ADAMTSL3: variants seen among roughly 807,000 people sequenced by gnomAD.
ADAMTSL3 encodes the protein ADAMTS-like protein 3.
A neutral mutation model predicts 201.7 loss-of-function variants in ADAMTSL3; 128 were observed. The ratio of observed to expected loss-of-function variants is 0.63; its 90% CI spans 0.55 to 0.73. The LOEUF is 0.73. ADAMTSL3 is among the 30% of genes least tolerant of loss of function. The pLI is 0.00. For synonymous variants in ADAMTSL3, 738 were observed against 748.4 expected, an observed-to-expected ratio of 0.99 and a Z score of 0.23; for missense variants, 1,990 against 2,119.6, an observed-to-expected ratio of 0.94 and a Z score of 1.20.
At chr15:83,819,165 G>C (rs183635880) in intron 5 of ADAMTSL3, among the ~76,000 whole-genome samples, 2 of 148,838 alleles carry the variant, frequency 1.3e-5, no homozygotes. Context: ...AGCTACTCAG[G>C]GGGGCTGAAG....
At chr15:83,895,417 C>T (rs775207786) in intron 13 of ADAMTSL3, among the ~76,000 whole-genome samples, 1 of 152,128 alleles carries the variant, frequency 6.6e-6, no homozygotes, top group African/African-American at 2.4e-5. Flanking sequence ...CTCTCCATCC[C>T]CATAAATATC....
chr15:83,929,376 T>C (rs1413466655), intron 17 of ADAMTSL3, among the ~76,000 whole-genome samples: 1 of 152,136 alleles, frequency 6.6e-6, no homozygotes, highest in Non-Finnish European at 1.5e-5. Context: ...GCAGGTAACC[T>C]CTGGCATTCT....
At chr15:83,949,528 G>T (rs545859671) in intron 19 of ADAMTSL3, among the ~76,000 whole-genome samples, 1 of 152,154 alleles carries the variant, frequency 6.6e-6, no homozygotes, top group African/African-American at 2.4e-5. Flanking sequence ...ATATACCTAG[G>T]AGTGAGATTT....
chr15:83,708,303 G>A (rs924272030), intron 3 of ADAMTSL3, among the ~76,000 whole-genome samples: 15 of 152,346 alleles, frequency 9.8e-5, no homozygotes, highest in African/African-American at 3.1e-4. Flanking sequence ...GATATTTGCT[G>A]TCTTGGATGA....
intron 3 of ADAMTSL3, among the ~76,000 whole-genome samples, chr15:83,759,444 C>A (rs956777483): frequency 2.6e-5 from 4 of 152,168 alleles, no homozygotes; most frequent in Non-Finnish European, 5.9e-5. Flanking sequence ...CCGGGATGGT[C>A]TTGATCTCCT....
intron 9 of ADAMTSL3, among the ~76,000 whole-genome samples, chr15:83,873,174 C>T (rs1293657685): frequency 1.4e-5 from 2 of 143,934 alleles, no homozygotes; most frequent in South Asian, 2.1e-4. Flanking sequence ...CGTGGTGGCA[C>T]GCACCTGTAA....
intron 15 of ADAMTSL3, 41 bp from the exon 16 acceptor site, chr15:83,913,051 C>A (rs773568845): frequency 1.9e-6 from 3 of 1,597,254 alleles, no homozygotes; most frequent in Admixed American, 1.7e-5. Context: ...TATTTAATGA[C>A]CCTCAGTGTC....
chr15:84,016,421 G>A lies in ADAMTSL3; in HGVS notation c.4195G>A (p.Gly1399Arg). The change falls in exon 25 of 30, where the codon GGA becomes AGA. Residue 1399 changes from glycine to arginine, a missense_variant. Physicochemically the swap from Gly to Arg is moderately radical, Grantham distance 125 (BLOSUM62 -2). Transcript: ENST00000286744. ...AGAGAGTAGAATCGTATTTCTGCAA[G>A]GACATAAAAAGTACATTCTCCAGGC... ...WPESRIVFLQ[G>R]HKKYILQATN... 1 of 1,613,876 alleles carries A rather than the reference G, an allele frequency of 6.2e-7. No homozygotes were observed. The highest frequency in any genetic ancestry group is 8.5e-7 in the Non-Finnish European group (1 of 1,179,948).
chr15:83,783,845 G>GTGTA (rs2063217050), intron 4 of ADAMTSL3, among the ~76,000 whole-genome samples: 1 of 151,478 alleles, frequency 6.6e-6, no homozygotes, highest in East Asian at 1.9e-4. Flanking sequence ...CTCTGTGTGT[G>GTGTA]TGTGTGTGTG....
chr15:83,718,634 C>T (rs1182847438), intron 3 of ADAMTSL3, among the ~76,000 whole-genome samples: 2 of 148,630 alleles, frequency 1.3e-5, no homozygotes, highest in African/African-American at 2.5e-5. Flanking sequence ...GAGGTTGCCG[C>T]GAGCTGAGAT....
chr15:83,757,368 C>G (rs552625529), intron 3 of ADAMTSL3, among the ~76,000 whole-genome samples: 1 of 152,348 alleles, frequency 6.6e-6, no homozygotes, highest in African/African-American at 2.4e-5. Flanking sequence ...GTTGCCAAGG[C>G]TTGGGGCTTT....
At chr15:83,746,460 C>A (rs1341944027) in intron 3 of ADAMTSL3, among the ~76,000 whole-genome samples, 1 of 151,800 alleles carries the variant, frequency 6.6e-6, no homozygotes, top group Non-Finnish European at 1.5e-5. Flanking sequence ...CAGTGTCTGT[C>A]ACAAATCCTC....
At chr15:83,795,495 A>C (rs2063411181) in intron 4 of ADAMTSL3, among the ~76,000 whole-genome samples, 1 of 152,132 alleles carries the variant, frequency 6.6e-6, no homozygotes, top group Non-Finnish European at 1.5e-5. Context: ...ATGCGAGTTC[A>C]CACCATGGGA....
chr15:84,031,365 A>G lies in ADAMTSL3; in HGVS notation c.4687A>G (p.Arg1563Gly). 1 of 1,614,054 alleles carries G rather than the reference A, an allele frequency of 6.2e-7. No homozygotes were observed. The change falls in exon 28 of 30, where the codon AGG (arginine) becomes GGG (glycine). Residue 1563 changes from arginine (R) to glycine (G), a missense_variant. Arg to Gly is a moderately radical substitution (Grantham distance 125). Coordinates refer to ENST00000286744, the MANE Select transcript of ADAMTSL3 (RefSeq NM_207517.3). ...TGGACGTTGCATGGGCCGTGCTGTG[A>G]GGATGCAGCAGCGTCACACAGCTTG... ...CPGRCMGRAV[R>G]MQQRHTACQH...
At chr15:83,939,500 A>T (rs559285376) in intron 17 of ADAMTSL3, among the ~76,000 whole-genome samples, 1 of 151,898 alleles carries the variant, frequency 6.6e-6, no homozygotes, top group South Asian at 2.1e-4. Flanking sequence ...TTCATTACTT[A>T]TTGTACTTTT....
intron 4 of ADAMTSL3, among the ~76,000 whole-genome samples, chr15:83,774,494 G>A (rs1463100412): frequency 1.3e-5 from 2 of 152,234 alleles, no homozygotes; most frequent in African/African-American, 4.8e-5. Flanking sequence ...TTGCAGAGCA[G>A]GGCAGATGAG....
At chr15:83,680,396 T>A (rs2061462071) in intron 2 of ADAMTSL3, among the ~76,000 whole-genome samples, 1 of 152,048 alleles carries the variant, frequency 6.6e-6, no homozygotes, top group Non-Finnish European at 1.5e-5. Flanking sequence ...AAGGGGGACA[T>A]GAGTATACAC....
At chr15:83,831,951 A>C (rs1300803982) in intron 6 of ADAMTSL3, among the ~76,000 whole-genome samples, 1 of 152,134 alleles carries the variant, frequency 6.6e-6, no homozygotes, top group East Asian at 1.9e-4. Flanking sequence ...GAGAGGTAGA[A>C]ATATACAATG....
chr15:83,841,813 GC>G (rs922557216), intron 7 of ADAMTSL3, among the ~76,000 whole-genome samples: 7 of 151,720 alleles, frequency 4.6e-5, no homozygotes, highest in East Asian at 2.0e-4. Flanking sequence ...GGCCTGCCAT[GC>G]CCCCCATTCT....
Sources: gnomAD v4.1 joint callset for allele counts (sites outside exome capture counted in the v4.1 genomes callset) on GRCh38, gnomAD v4.1.1 for gene constraint, MANE v1.5 for transcripts, NCBI Gene and HGNC (gene_info 2026-07-23, HGNC 2026-07-21) for gene names.